The following ZBTB20 variants were observed in gnomAD, a reference collection of about 807,000 sequenced individuals.
The protein encoded by ZBTB20 is zinc finger and BTB domain containing 20.
ZBTB20 carries 9 observed loss-of-function variants against 56.9 expected under a neutral mutation model. That is an observed-to-expected ratio of 0.16 (90% confidence interval 0.10 to 0.28). The LOEUF is 0.28. Among genes scored for constraint, ZBTB20 ranks in the 10% least tolerant of loss-of-function variants. The pLI, the probability that ZBTB20 is intolerant of heterozygous loss-of-function variation, is 1.00. For missense variants in ZBTB20, 655 were observed against 1,003.0 expected (o/e 0.65, Z 4.69); for synonymous variants, 417 against 420.7 (o/e 0.99, Z 0.11).
chr3:114,682,449 A>C (rs755421589), intron 6 of ZBTB20, among the ~76,000 whole-genome samples: 32 of 152,202 alleles, frequency 2.1e-4, no homozygotes, highest in Admixed American at 3.9e-4. Context: ...GGAGAAAATC[A>C]GTAGAAATGT....
At chr3:114,607,303 A>ATTTT (rs34327675) in intron 6 of ZBTB20, among the ~76,000 whole-genome samples, 2 of 135,580 alleles carry the variant, frequency 1.5e-5, no homozygotes, top group African/African-American at 2.7e-5. Context: ...CTGTTCATTC[A>ATTTT]TTTTTTTTTT....
intron 6 of ZBTB20, among the ~76,000 whole-genome samples, chr3:114,514,011 T>A (rs2045700965): frequency 6.6e-6 from 1 of 152,136 alleles, no homozygotes; most frequent in Non-Finnish European, 1.5e-5. Context: ...TATATGTATG[T>A]ATATATAACA....
At chr3:114,959,720 TACACACACAC>T (rs56785871) in intron 3 of ZBTB20, among the ~76,000 whole-genome samples, 2 of 145,260 alleles carry the variant, frequency 1.4e-5, no homozygotes, top group African/African-American at 2.6e-5. Flanking sequence ...TTTATATACA[TACACACACAC>T]ACACACACAC....
intron 7 of ZBTB20, among the ~76,000 whole-genome samples, chr3:114,417,537 T>G (rs1185851335): frequency 3.9e-5 from 6 of 152,100 alleles, no homozygotes; most frequent in African/African-American, 1.4e-4. Flanking sequence ...ATAGTTTACT[T>G]CCTACAGAGG....
intron 4 of ZBTB20, among the ~76,000 whole-genome samples, chr3:114,801,433 C>T (rs1409829862): frequency 1.3e-5 from 2 of 148,750 alleles, no homozygotes; most frequent in Admixed American, 1.4e-4. Flanking sequence ...ACAAAATACG[C>T]CTCCATGTTA....
chr3:114,782,212 AC>A (rs1438008241), intron 5 of ZBTB20, among the ~76,000 whole-genome samples: 1 of 152,208 alleles, frequency 6.6e-6, no homozygotes, highest in Non-Finnish European at 1.5e-5. Flanking sequence ...GTTTACATAT[AC>A]TTTTTTTTGT....
At chr3:114,631,988 G>A (rs62266295) in intron 6 of ZBTB20, among the ~76,000 whole-genome samples, 10,182 of 152,272 alleles carry the variant, frequency 0.067, 396 homozygotes, top group Middle Eastern at 0.14. Context: ...GAGCGTGGTT[G>A]TGAGAGGCTG....
chr3:114,543,697 T>C (rs940366511), intron 6 of ZBTB20, among the ~76,000 whole-genome samples: 2 of 152,226 alleles, frequency 1.3e-5, no homozygotes, highest in Non-Finnish European at 2.9e-5. Context: ...CTTAACAACA[T>C]TGGCATATAT....
chr3:114,882,707 G>C (rs922079907), intron 4 of ZBTB20, among the ~76,000 whole-genome samples: 1 of 152,028 alleles, frequency 6.6e-6, no homozygotes, highest in Non-Finnish European at 1.5e-5. Context: ...AAATGTATTT[G>C]AACAGTATGA....
At chr3:114,503,814 G>T (rs747586769) in intron 6 of ZBTB20, among the ~76,000 whole-genome samples, 1 of 152,110 alleles carries the variant, frequency 6.6e-6, no homozygotes, top group African/African-American at 2.4e-5. Context: ...CAATCTCCAA[G>T]AATCAAAAAT....
intron 5 of ZBTB20, among the ~76,000 whole-genome samples, chr3:114,734,090 C>T (rs2065953479): frequency 6.6e-6 from 1 of 151,818 alleles, no homozygotes; most frequent in African/African-American, 2.4e-5. Flanking sequence ...TTGTTTGAAC[C>T]AAATTTGTGG....
At chr3:115,136,807 C>T (rs2084663359) in intron 1 of ZBTB20, among the ~76,000 whole-genome samples, 1 of 152,048 alleles carries the variant, frequency 6.6e-6, no homozygotes, top group African/African-American at 2.4e-5. Context: ...CAAATGACCC[C>T]TTTAACACAG....
At chr3:114,659,574 G>A (rs1006561387) in intron 6 of ZBTB20, among the ~76,000 whole-genome samples, 8 of 152,034 alleles carry the variant, frequency 5.3e-5, no homozygotes, top group East Asian at 1.9e-4. Flanking sequence ...TGTGAACCAC[G>A]GCAAATCTAA....
chr3:114,744,757 T>C (rs1049640398), intron 5 of ZBTB20, among the ~76,000 whole-genome samples: 103 of 152,140 alleles, frequency 6.8e-4, no homozygotes, highest in African/African-American at 2.4e-3. Flanking sequence ...ATATAGAATA[T>C]ACAGTAGCTA....
chr3:114,351,265 C>G lies in ZBTB20; in HGVS notation c.813G>C (p.Glu271Asp). ...GGTCGCGGGGCAGGCCGAGCGCAGT[C>G]TCGTGGTGGCTGACCACTGCGCCGC... Reference protein sequence around the residue: ...FYSGAVVSHHETALGLPRDHH... With the variant: ...FYSGAVVSHHDTALGLPRDHH... Residue 271 changes from glutamate to aspartate, a missense_variant, in exon 11 of 12, where the codon GAG becomes GAC. Physicochemically the swap from Glu to Asp is conservative, Grantham distance 45. Coordinates refer to ENST00000675478, the MANE Select transcript of ZBTB20 (RefSeq NM_001348800.3). The G allele has an allele frequency of 2.5e-6, 4 of 1,601,932 alleles. No individual in the cohort carries two copies. The South Asian group carries it at 4.4e-5, about 18-fold the overall frequency.
intron 2 of ZBTB20, among the ~76,000 whole-genome samples, chr3:115,017,799 A>T (rs2080033619): frequency 6.6e-6 from 1 of 151,564 alleles, no homozygotes; most frequent in African/African-American, 2.4e-5. Flanking sequence ...TAATGAAATG[A>T]AGGATGCCTC....
In ZBTB20 at chr3:114,318,316, CA is replaced by C. The variant is rs2078766264; in HGVS notation, c.*20688del. The C allele has an allele frequency of 6.6e-6, 1 of 152,280 alleles. No individual in the cohort carries two copies. Among genetic ancestry groups the C allele is most frequent in the South Asian group, 2.1e-4 (1 of 4,824 alleles). The allele number at this position is 152,280 out of a possible 1,614,324, so 9.4% of individuals were successfully genotyped here. ...GGGGGGCCTTCACACCACCCACAGC[CA>C]TTTCCCTCCTTTGGGTCCCTGCCCC... is the stretch of plus-strand genomic sequence containing the variant. On this transcript the variant is annotated 3_prime_UTR_variant, in exon 12 of 12. Coordinates refer to ENST00000675478, the MANE Select transcript of ZBTB20 (RefSeq NM_001348800.3).
At chr3:114,741,738 T>C (rs1281665760) in intron 5 of ZBTB20, among the ~76,000 whole-genome samples, 1 of 150,210 alleles carries the variant, frequency 6.7e-6, no homozygotes, top group Non-Finnish European at 1.5e-5. Context: ...AAAAATTAGC[T>C]GGGCATGGTG....
At chr3:115,104,966 T>C (rs1576785150) in intron 1 of ZBTB20, among the ~76,000 whole-genome samples, 1 of 151,902 alleles carries the variant, frequency 6.6e-6, no homozygotes, top group South Asian at 2.1e-4. Flanking sequence ...AGGCAGGGGG[T>C]ATATGAGAAA....
Sources: allele counts gnomAD v4.1 joint callset (sites outside exome capture counted in the v4.1 genomes callset), GRCh38; gene constraint gnomAD v4.1.1; transcripts MANE v1.5; gene names NCBI Gene and HGNC (gene_info 2026-07-23, HGNC 2026-07-21).